Variants in ARHGEF33 observed in about 807,000 individuals in gnomAD.
ARHGEF33 encodes Rho guanine nucleotide exchange factor 33, also known as DH and coiled-coil domain-containing protein ENSP00000381780.
ARHGEF33 carries 72 observed loss-of-function variants against 101.9 expected under a neutral mutation model. That is an observed-to-expected ratio of 0.71 (90% CI 0.58 to 0.86). ARHGEF33 has a LOEUF of 0.86. ARHGEF33 is among the 40% of genes least tolerant of loss of function. The pLI, the probability that ARHGEF33 is intolerant of heterozygous loss-of-function variation, is 0.00. For synonymous variants in ARHGEF33, 499 were observed against 442.5 expected (o/e 1.13, Z -1.60); for missense variants, 1,169 against 1,111.3 (o/e 1.05, Z -0.74).
chr2:38,961,803 G>A (rs756440550), intron 16 of ARHGEF33, among the ~76,000 whole-genome samples: 13 of 151,826 alleles, frequency 8.6e-5, no homozygotes, highest in Admixed American at 2.0e-4. Flanking sequence ...GGGTCATGGT[G>A]GTCAGAGAAG....
At position 38,919,468 on chromosome 2, in the gene ARHGEF33, G is replaced by A. The variant is rs1055378302; in HGVS notation, c.21G>A (p.Lys7=). 1.3e-6 allele frequency: 2 copies of A among 1,551,658 alleles called. No homozygotes were observed. Among genetic ancestry groups the A allele is most frequent in the Admixed American group, 2.0e-5 (1 of 50,984 alleles). Reference sequence around the variant, plus strand: ...GCACTATGGAAAAAACCAAAACAAAGCAAGGTCAGATTTTTCCTATGTCTT... The same window carrying A: ...GCACTATGGAAAAAACCAAAACAAAACAAGGTCAGATTTTTCCTATGTCTT... MEKTKT[K]QGENEHMPVN... is the part of the protein sequence containing the mutation. The change falls in exon 3 of 18, where the codon AAG becomes AAA. Residue 7 remains lysine (K), a synonymous_variant. Transcript: ENST00000409978.
At chr2:38,912,875 C>T (rs1174987190) in intron 2 of ARHGEF33, among the ~76,000 whole-genome samples, 1 of 152,044 alleles carries the variant, frequency 6.6e-6, no homozygotes, top group East Asian at 1.9e-4. Context: ...GATAATGATA[C>T]ACCCTCAACA....
At chr2:38,898,257 G>A (rs890801444) in intron 2 of ARHGEF33, among the ~76,000 whole-genome samples, 1 of 152,208 alleles carries the variant, frequency 6.6e-6, no homozygotes, top group African/African-American at 2.4e-5. Context: ...GAAAGCCATT[G>A]CTTTTACAAA....
chr2:38,904,015 A>C (rs1666332318), intron 2 of ARHGEF33, among the ~76,000 whole-genome samples: 1 of 152,234 alleles, frequency 6.6e-6, no homozygotes, highest in African/African-American at 2.4e-5. Context: ...TAAGAGGTGG[A>C]AAAAAATAGC....
intron 2 of ARHGEF33, among the ~76,000 whole-genome samples, chr2:38,912,688 C>T (rs2124986871): frequency 6.6e-6 from 1 of 152,142 alleles, no homozygotes; most frequent in East Asian, 1.9e-4. Flanking sequence ...ATTTCTTAGT[C>T]AATAAATATA....
intron 4 of ARHGEF33, among the ~76,000 whole-genome samples, chr2:38,928,431 C>G (rs1490786689): frequency 1.3e-5 from 2 of 152,028 alleles, no homozygotes; most frequent in African/African-American, 4.8e-5. Context: ...CAGATAAATT[C>G]TCAGTTATGC....
intron 2 of ARHGEF33, among the ~76,000 whole-genome samples, chr2:38,900,941 G>T (rs1666225266): frequency 6.6e-6 from 1 of 152,118 alleles, no homozygotes; most frequent in African/African-American, 2.4e-5. Flanking sequence ...ATCAATAACA[G>T]TTCAGCTCTG....
At chr2:38,913,106 G>T (rs1666550548) in intron 2 of ARHGEF33, among the ~76,000 whole-genome samples, 1 of 148,044 alleles carries the variant, frequency 6.8e-6, no homozygotes, top group Non-Finnish European at 1.5e-5. Context: ...GTGCAATCCT[G>T]TCTCACTGCA....
At chr2:38,958,449 T>C (rs1054848160) in intron 15 of ARHGEF33, among the ~76,000 whole-genome samples, 1 of 152,204 alleles carries the variant, frequency 6.6e-6, no homozygotes, top group African/African-American at 2.4e-5. Context: ...TTGAAGCAGT[T>C]ACAAAACTTC....
At chr2:38,956,400 T>C (rs763778474) in intron 13 of ARHGEF33, among the ~76,000 whole-genome samples, 1 of 152,168 alleles carries the variant, frequency 6.6e-6, no homozygotes, top group Non-Finnish European at 1.5e-5. Context: ...TACCTGGCAA[T>C]AGGAAGTACT....
At chr2:38,971,919 T>C in intron 17 of ARHGEF33, 2 of 718,466 alleles carry the variant, frequency 2.8e-6, no homozygotes, top group Non-Finnish European at 5.2e-6. Flanking sequence ...GGGCTGGTGG[T>C]GACATCAAAG....
chr2:38,959,719 G>T, intron 15 of ARHGEF33, 122 bp from the exon 16 acceptor site: 1 of 1,123,980 alleles, frequency 8.9e-7, no homozygotes, highest in Non-Finnish European at 1.2e-6. Flanking sequence ...GAAGTTTGTG[G>T]AGCTCGGGAG....
chr2:38,903,938 TC>T (rs1190566029), intron 2 of ARHGEF33, among the ~76,000 whole-genome samples: 1 of 152,194 alleles, frequency 6.6e-6, no homozygotes, highest in East Asian at 1.9e-4. Context: ...CAGTTTAGTG[TC>T]TTTGTCAACA....
intron 4 of ARHGEF33, among the ~76,000 whole-genome samples, chr2:38,923,175 G>A (rs1050203939): frequency 6.6e-6 from 1 of 152,288 alleles, no homozygotes; most frequent in Admixed American, 6.5e-5. Context: ...TCTGTTCGCA[G>A]TGGAACACAC....
rs372790079 is a variant in ARHGEF33, at chr2:38,971,859, A to G, written c.2484-1855A>G. On this transcript the variant is annotated intron_variant, in intron 17 of 17. Transcript: ENST00000409978. The stretch of plus-strand genomic sequence containing the variant: ...GAAAACTAGACAGGGCGATTTTGGC[A>G]TTTGTTTCAGAAATGGGAACGCAAC... 8 of 718,596 alleles carry G rather than the reference A, an allele frequency of 1.1e-5. No homozygotes were observed. In the African/African-American group the frequency reaches 1.2e-4, roughly 11 times the overall value. 44.5% of individuals were successfully genotyped at this position (718,596 alleles called of 1,614,324 possible).
intron 17 of ARHGEF33, chr2:38,973,257 A>G (rs1203753023): frequency 1.3e-5 from 2 of 152,794 alleles, no homozygotes; most frequent in Non-Finnish European, 2.9e-5. Flanking sequence ...GCTTCAATAA[A>G]TCTTTCATTT....
intron 1 of ARHGEF33, among the ~76,000 whole-genome samples, chr2:38,891,921 T>C (rs1666014191): frequency 1.3e-5 from 2 of 152,200 alleles, no homozygotes; most frequent in Non-Finnish European, 2.9e-5. Flanking sequence ...CCAAATAAGA[T>C]GAACGAAACA....
chr2:38,961,437 G>T (rs1667937349), intron 16 of ARHGEF33, among the ~76,000 whole-genome samples: 1 of 152,068 alleles, frequency 6.6e-6, no homozygotes, highest in African/African-American at 2.4e-5. Flanking sequence ...CATTTAAAGA[G>T]GTCTTTAAAT....
Position 38,921,385 on chromosome 2 carries a change from C to T in ARHGEF33, c.37C>T (p.His13Tyr). 2 of 1,543,680 alleles carry T rather than the reference C, an allele frequency of 1.3e-6. No individual in the cohort carries two copies. Among genetic ancestry groups the T allele is most frequent in the Non-Finnish European group, 1.8e-6 (2 of 1,139,646 alleles). Reference sequence around the variant, plus strand: ...CTTTCTCCCTGCAGGAGAGAATGAACATATGCCGGTGAATAATCCTTCCAC... The same window carrying T: ...CTTTCTCCCTGCAGGAGAGAATGAATATATGCCGGTGAATAATCCTTCCAC... ...KTKTKQGENE[H>Y]MPVNNPSTQI... The change falls in exon 4 of 18, where the codon CAT (histidine) becomes TAT (tyrosine). Residue 13 changes from histidine to tyrosine, a missense_variant. Physicochemically the swap from His to Tyr is moderately conservative, Grantham distance 83. Transcript: ENST00000409978.
Sources: gnomAD v4.1 joint callset for allele counts (sites outside exome capture counted in the v4.1 genomes callset) on GRCh38, gnomAD v4.1.1 for gene constraint, MANE v1.5 for transcripts, NCBI Gene and HGNC (gene_info 2026-07-23, HGNC 2026-07-21) for gene names.